RYR2: variants seen among roughly 807,000 people sequenced by gnomAD.
The protein encoded by RYR2 is ryanodine receptor 2.
Under a neutral mutation model 601.1 loss-of-function variants are expected in RYR2, and 227 were observed. That is an observed-to-expected ratio of 0.38 (90% CI 0.34 to 0.42). The LOEUF (loss-of-function observed/expected upper bound fraction) is 0.42, where lower values mean the gene tolerates loss of function less well. RYR2 is among the 10% of genes least tolerant of loss of function. The pLI is 1.00. For synonymous variants in RYR2, 2,223 were observed against 2,175.1 expected, an observed-to-expected ratio of 1.02 and a Z score of -0.61; for missense variants, 4,646 against 6,156.5, an observed-to-expected ratio of 0.75 and a Z score of 8.21.
chr1:237,389,351 T>C (rs1402633003), intron 10 of RYR2, among the ~76,000 whole-genome samples: 1 of 152,098 alleles, frequency 6.6e-6, no homozygotes, highest in African/African-American at 2.4e-5. Flanking sequence ...AAGAGAAAGA[T>C]CCTTAGTGCC....
intron 81 of RYR2, 27 bp from the exon 82 acceptor site, chr1:237,757,670 G>A: frequency 1.4e-6 from 2 of 1,465,270 alleles, no homozygotes; most frequent in East Asian, 2.3e-5. Flanking sequence ...AATGATATAA[G>A]GAACACTACT....
chr1:237,468,164 A>G (rs1426916618), intron 16 of RYR2, among the ~76,000 whole-genome samples: 1 of 152,020 alleles, frequency 6.6e-6, no homozygotes, highest in Non-Finnish European at 1.5e-5. Context: ...GGCCTACCAG[A>G]TTTTCAATAG....
intron 2 of RYR2, among the ~76,000 whole-genome samples, chr1:237,274,297 A>G (rs975926575): frequency 3.1e-4 from 47 of 151,682 alleles, no homozygotes; most frequent in African/African-American, 1.0e-3. Flanking sequence ...CCATAAGATC[A>G]TAATGGAGCT....
At chr1:237,494,825 C>T (rs908935291) in intron 19 of RYR2, among the ~76,000 whole-genome samples, 4 of 152,160 alleles carry the variant, frequency 2.6e-5, no homozygotes, top group African/African-American at 9.7e-5. Context: ...GAGTCTTGCT[C>T]TGTCACCCAG....
intron 3 of RYR2, among the ~76,000 whole-genome samples, chr1:237,350,601 A>T (rs1337013282): frequency 3.6e-5 from 3 of 83,260 alleles, no homozygotes; most frequent in African/African-American, 1.7e-4. Flanking sequence ...AAAAAAAAAA[A>T]AATATATATA....
chr1:237,761,496 T>C (rs1693432004), intron 84 of RYR2, among the ~76,000 whole-genome samples: 1 of 152,186 alleles, frequency 6.6e-6, no homozygotes, highest in South Asian at 2.1e-4. Context: ...AGCACAGTGA[T>C]CCTCAAATCC....
At chr1:237,544,214 A>G (rs533086613) in intron 25 of RYR2, among the ~76,000 whole-genome samples, 1 of 152,250 alleles carries the variant, frequency 6.6e-6, no homozygotes, top group Admixed American at 6.5e-5. Context: ...TTAATTTCAT[A>G]TATATTCCTC....
chr1:237,578,954 C>T (rs562214744), intron 29 of RYR2, among the ~76,000 whole-genome samples: 1 of 152,226 alleles, frequency 6.6e-6, no homozygotes, highest in South Asian at 2.1e-4. Flanking sequence ...GTTTATCTCT[C>T]CCTGTTCTTT....
At chr1:237,236,434 G>A (rs1209780231) in intron 1 of RYR2, among the ~76,000 whole-genome samples, 1 of 152,186 alleles carries the variant, frequency 6.6e-6, no homozygotes, top group Non-Finnish European at 1.5e-5. Context: ...TAGAGGCCAA[G>A]AAATGATACC....
intron 38 of RYR2, among the ~76,000 whole-genome samples, chr1:237,621,027 ACCT>A (rs1679020531): frequency 6.6e-6 from 1 of 152,134 alleles, no homozygotes; most frequent in African/African-American, 2.4e-5. Context: ...CCATAAAATA[ACCT>A]CAAGACATTT....
In RYR2 at chr1:237,132,013, C is replaced by T. The variant is rs114937996; in HGVS notation, c.48+89444C>T. 1.4e-3 allele frequency among the ~76,000 whole-genome samples: 220 copies of T among 152,272 alleles called. 1 individual carries two copies. The highest frequency in any genetic ancestry group is 5.1e-3 in the African/African-American group (213 of 41,544). ...TGCTAGGATTATAAGCATGAGCCAC[C>T]GTGTCTGGCCCAAGTATTCATAATC... is the stretch of plus-strand genomic sequence containing the variant. On this transcript the variant is annotated intron_variant, in intron 1 of 104. Coordinates refer to ENST00000366574, the MANE Select transcript of RYR2 (RefSeq NM_001035.3).
intron 10 of RYR2, among the ~76,000 whole-genome samples, chr1:237,396,994 G>A (rs951826099): frequency 2.0e-4 from 30 of 152,208 alleles, no homozygotes; most frequent in Non-Finnish European, 7.3e-5. Context: ...GCTGGACGCA[G>A]TGGCTCACAC....
At chr1:237,711,898 A>AT in intron 71 of RYR2, 61 bp downstream of exon 71, 1 of 799,482 alleles carries the variant, frequency 1.3e-6, no homozygotes, top group Non-Finnish European at 2.1e-6. Flanking sequence ...TCATGAATTG[A>AT]CTTTTTTTTT....
chr1:237,421,112 G>A (rs1351867436), intron 11 of RYR2, among the ~76,000 whole-genome samples: 1 of 152,158 alleles, frequency 6.6e-6, no homozygotes, highest in African/African-American at 2.4e-5. Context: ...GGTGGCTGGC[G>A]CCTATAGTCC....
intron 101 of RYR2, among the ~76,000 whole-genome samples, chr1:237,824,257 A>T (rs1288518750): frequency 6.6e-6 from 1 of 152,228 alleles, no homozygotes; most frequent in East Asian, 1.9e-4. Flanking sequence ...TCCCTGATGA[A>T]CATCGATGCG....
intron 33 of RYR2, among the ~76,000 whole-genome samples, chr1:237,595,283 T>G (rs1213054238): frequency 2.6e-5 from 4 of 152,058 alleles, no homozygotes; most frequent in Admixed American, 2.6e-4. Flanking sequence ...CTTCATTAGG[T>G]GTGAAATGTA....
intron 12 of RYR2, among the ~76,000 whole-genome samples, chr1:237,425,918 T>TTTTTATA (rs1279796329): frequency 6.6e-6 from 1 of 152,106 alleles, no homozygotes; most frequent in Non-Finnish European, 1.5e-5. Context: ...ATAGTAGGTA[T>TTTTTATA]TTTTATATTT....
At chr1:237,388,244 A>G in intron 10 of RYR2, 61 bp downstream of exon 10, 1 of 1,365,784 alleles carries the variant, frequency 7.3e-7, no homozygotes, top group Non-Finnish European at 1.0e-6. Flanking sequence ...TAATGTTTTA[A>G]AAACTAGGGA....
chr1:237,295,007 A>C (rs1692611411), intron 2 of RYR2, among the ~76,000 whole-genome samples: 1 of 152,138 alleles, frequency 6.6e-6, no homozygotes, highest in South Asian at 2.1e-4. Context: ...TGAGGCTAGG[A>C]GTTCAATACC....
Sources: allele counts gnomAD v4.1 joint callset (sites outside exome capture counted in the v4.1 genomes callset), GRCh38; gene constraint gnomAD v4.1.1; transcripts MANE v1.5; gene names NCBI Gene and HGNC (gene_info 2026-07-23, HGNC 2026-07-21).